Variants in SLC8A2 observed in about 807,000 individuals in gnomAD.
SLC8A2 encodes solute carrier family 8 member A2, also known as sodium/calcium exchanger 2.
A neutral mutation model predicts 70.2 loss-of-function variants in SLC8A2; 14 were observed. The ratio of observed to expected loss-of-function variants is 0.20; its 90% CI spans 0.13 to 0.31. The LOEUF (loss-of-function observed/expected upper bound fraction) is 0.31, where lower values mean the gene tolerates loss of function less well. Ranked by LOEUF, SLC8A2 falls within the 10% of genes least tolerant of loss-of-function variation. The pLI is 1.00. For synonymous variants in SLC8A2, 575 were observed against 594.3 expected (o/e 0.97, Z 0.47); for missense variants, 779 against 1,320.1 (o/e 0.59, Z 6.35).
intron 6 of SLC8A2, among the ~76,000 whole-genome samples, chr19:47,438,815 T>C (rs1488372573): frequency 1.3e-5 from 2 of 151,938 alleles, no homozygotes; most frequent in Non-Finnish European, 2.9e-5. Context: ...AATCCCACAC[T>C]CTATCTCCAG....
At chr19:47,445,549 A>G (rs1967150449) in intron 4 of SLC8A2, among the ~76,000 whole-genome samples, 1 of 151,548 alleles carries the variant, frequency 6.6e-6, no homozygotes, top group South Asian at 2.1e-4. Flanking sequence ...CTGCCACCCC[A>G]TCTCTGGGTG....
At chr19:47,435,187 C>T (rs1182808105) in intron 8 of SLC8A2, among the ~76,000 whole-genome samples, 1 of 151,942 alleles carries the variant, frequency 6.6e-6, no homozygotes, top group East Asian at 1.9e-4. Context: ...CACTACACTC[C>T]AGCCTGGATG....
rs370929157 is a variant in SLC8A2 at position 47,443,694 on chromosome 19, C to T, written c.1764-2254G>A. ...CTCCTACCTTATATCTAACTCCTGA[C>T]GCCTCTTGGTGTCTCTGTTTACTTC... On this transcript the variant is annotated intron_variant, in intron 4 of 9. Transcript: ENST00000236877. Among the ~76,000 whole-genome samples, 34 of 152,304 alleles carry T rather than the reference C, an allele frequency of 2.2e-4. No individual in the cohort carries two copies. In the South Asian group the frequency reaches 4.4e-3, roughly 19 times the overall value.
Position 47,466,349 on chromosome 19 carries a change from A to C in SLC8A2, c.55T>G (p.Ser19Ala). The C allele has an allele frequency of 6.9e-7, 1 of 1,447,270 alleles. No individual in the cohort carries two copies. Among genetic ancestry groups the C allele is most frequent in the African/African-American group, 1.4e-5 (1 of 70,172 alleles). The allele number at this position is 1,447,270 out of a possible 1,614,324, so 89.7% of individuals were successfully genotyped here. A position where few individuals can be genotyped will look rare whatever the true frequency, so the allele number is the denominator to read the frequency against. Reference protein sequence around the residue: ...VTLLLAAPPCSGAATPTPSLP... With the variant: ...VTLLLAAPPCAGAATPTPSLP... ...GAGGGGGTTGGGGTGGCTGCCCCGG[A>C]GCATGGGGGAGCCGCCAGGAGGAGT... is the stretch of plus-strand genomic sequence containing the variant. The change falls in exon 2 of 10, where the codon TCC (serine) becomes GCC (alanine). Residue 19 changes from serine to alanine, a missense_variant. Around this residue, in one of 6 missense-constraint regions of SLC8A2, gnomAD observed 65 missense variants for 61.3 expected, o/e 1.06. Transcript: ENST00000236877. This position sits in a 1 kb window ranked among gnomAD's most constrained non-coding sequence, Gnocchi z 6.9.
intron 9 of SLC8A2, among the ~76,000 whole-genome samples, chr19:47,431,052 A>G (rs2122609142): frequency 6.7e-6 from 1 of 150,264 alleles, no homozygotes; most frequent in Non-Finnish European, 1.5e-5. Flanking sequence ...GTTTTGAGAC[A>G]GGGTCTTGCT....
chr19:47,450,583 A>AC (rs1967222147), intron 3 of SLC8A2, among the ~76,000 whole-genome samples: 1 of 152,114 alleles, frequency 6.6e-6, no homozygotes, highest in South Asian at 2.1e-4. Context: ...GAAGAGAGGG[A>AC]CCGCAAGGTT....
intron 3 of SLC8A2, among the ~76,000 whole-genome samples, chr19:47,455,117 AG>A (rs1967288836): frequency 6.6e-6 from 1 of 151,908 alleles, no homozygotes; most frequent in Non-Finnish European, 1.5e-5. Flanking sequence ...GAGAGGAGAG[AG>A]TAGAGGAGAG....
At position 47,465,977 on chromosome 19, in the gene SLC8A2, T is replaced by C; in HGVS notation, c.427A>G (p.Ile143Val). The C allele has an allele frequency of 6.2e-7, 1 of 1,614,020 alleles. No homozygotes were observed. Among genetic ancestry groups the C allele is most frequent in the Non-Finnish European group, 8.5e-7 (1 of 1,179,992 alleles). The change falls in exon 2 of 10, where the codon ATC becomes GTC. Residue 143 changes from isoleucine to valine, a missense_variant. Ile to Val is a conservative substitution (Grantham distance 29). This residue lies in a region of SLC8A2 where 155 missense variants were observed against 318.6 expected (regional missense o/e 0.49). Transcript: ENST00000236877. This position sits in a 1 kb window ranked among gnomAD's most constrained non-coding sequence, Gnocchi z 5.5. ...CAGACTTCGATGACTGACAGCAGGA[T>C]CTCAGGTGCGGAGGAGCCCAGGGCC... ...LMALGSSAPE[I>V]LLSVIEVCGH...
chr19:47,437,096 C>T (rs542724924), intron 8 of SLC8A2, among the ~76,000 whole-genome samples: 5 of 152,264 alleles, frequency 3.3e-5, no homozygotes, highest in South Asian at 2.1e-4. Flanking sequence ...CTACCTGCCT[C>T]TCCCTCTCCC....
intron 3 of SLC8A2, among the ~76,000 whole-genome samples, chr19:47,454,303 T>C (rs1025018887): frequency 6.6e-6 from 1 of 151,230 alleles, no homozygotes; most frequent in African/African-American, 2.4e-5. Context: ...AGTGGAAAGG[T>C]GAAAAGATAG....
At position 47,449,455 on chromosome 19, in the gene SLC8A2, G is replaced by A. The variant is rs573516290; in HGVS notation, c.1341-1224C>T. Among the ~76,000 whole-genome samples the A allele has an allele frequency of 5.3e-5, 8 of 152,258 alleles. No individual in the cohort carries two copies. The East Asian group carries it at 1.5e-3, about 29-fold the overall frequency. On this transcript the variant is annotated intron_variant, in intron 3 of 9. Transcript: ENST00000236877. ...TCCCACCTCAGCCTCCCGAGCAGCT[G>A]GGACTACAGGCGCCTGCCACCATGC... is the stretch of plus-strand genomic sequence containing the variant.
In SLC8A2 at chr19:47,432,677, C is replaced by T. The variant is rs527825326; in HGVS notation, c.2111-232G>A. ...TGAAAAATATTTACTTTCCCAGAAT[C>T]CTTTGGATCTAAATATGGCTAAGTC... On this transcript the variant is annotated intron_variant, in intron 8 of 9. Transcript: ENST00000236877. The surrounding 1 kb of genome is among the most constrained non-coding windows in gnomAD (Gnocchi z 6.2). 2 of 470,894 alleles carry T rather than the reference C, an allele frequency of 4.2e-6. No homozygotes were observed. The highest frequency in any genetic ancestry group is 9.0e-5 in the South Asian group (2 of 22,158). The allele number at this position is 470,894 out of a possible 1,614,324, so 29.2% of individuals were successfully genotyped here.
rs1328428049 is a variant in SLC8A2 at position 47,448,134 on chromosome 19, C to T, written c.1438G>A (p.Val480Met). Residue 480 changes from valine (V) to methionine (M), a missense_variant, in exon 4 of 10, where the codon GTG (valine) becomes ATG (methionine). Val to Met is a conservative substitution (Grantham distance 21, BLOSUM62 1). Transcript: ENST00000236877. This position sits in a 1 kb window ranked among gnomAD's most constrained non-coding sequence, Gnocchi z 4.8. Reference sequence around the variant, plus strand: ...CCCACGCGCAGGTTCAGCAGCCGCACGAAGAAATGCTCGTCCTCCTCGAAG... The same window carrying T: ...CCCACGCGCAGGTTCAGCAGCCGCATGAAGAAATGCTCGTCCTCCTCGAAG... ...DIFEEDEHFF[V>M]RLLNLRVGDA... is the part of the protein sequence containing the mutation. 1 of 1,612,808 alleles carries T rather than the reference C, an allele frequency of 6.2e-7. No homozygotes were observed. Among genetic ancestry groups the T allele is most frequent in the East Asian group, 2.2e-5 (1 of 44,866 alleles).
At chr19:47,462,724 A>T (rs1967411160) in intron 2 of SLC8A2, among the ~76,000 whole-genome samples, 1 of 151,178 alleles carries the variant, frequency 6.6e-6, no homozygotes, top group Admixed American at 6.6e-5. Context: ...AGTAGCTGGG[A>T]TTACAGGCGC....
At chr19:47,456,904 C>G (rs1305922180) in intron 3 of SLC8A2, 26 bp downstream of exon 3, 12 of 1,558,546 alleles carry the variant, frequency 7.7e-6, no homozygotes, top group Middle Eastern at 1.7e-4. Flanking sequence ...CAGCCCCCTG[C>G]ACACCCCCCA....
chr19:47,443,076 G>T (rs957452025), intron 4 of SLC8A2, among the ~76,000 whole-genome samples: 1 of 151,994 alleles, frequency 6.6e-6, no homozygotes, highest in Non-Finnish European at 1.5e-5. Flanking sequence ...TTAAATTTAA[G>T]TTCCCCCAGG....
intron 3 of SLC8A2, among the ~76,000 whole-genome samples, chr19:47,449,023 G>A (rs1316012178): frequency 1.3e-5 from 2 of 152,138 alleles, no homozygotes; most frequent in Non-Finnish European, 1.5e-5. Context: ...ATTTAATTAC[G>A]GTTCATTCAT....
chr19:47,441,841 C>T (rs998128334), intron 4 of SLC8A2, among the ~76,000 whole-genome samples: 19 of 152,280 alleles, frequency 1.2e-4, no homozygotes, highest in Admixed American at 6.5e-4. Context: ...CGGTGGCTCA[C>T]GCCTGTAATC....
intron 8 of SLC8A2, among the ~76,000 whole-genome samples, chr19:47,435,709 C>G (rs182909254): frequency 6.6e-6 from 1 of 151,976 alleles, no homozygotes; most frequent in Non-Finnish European, 1.5e-5. Flanking sequence ...CCACCATGCC[C>G]GGCTAATTTT....
Sources: gnomAD v4.1 joint callset for allele counts (sites outside exome capture counted in the v4.1 genomes callset) on GRCh38, gnomAD v4.1.1 for gene constraint, gnomAD v4.1.1 regional missense constraint, Gnocchi (gnomAD v3.1) non-coding constraint, MANE v1.5 for transcripts, NCBI Gene and HGNC (gene_info 2026-07-23, HGNC 2026-07-21) for gene names.